PPP6R3: variants seen among roughly 807,000 people sequenced by gnomAD.
PPP6R3 encodes protein phosphatase 6 regulatory subunit 3.
PPP6R3 carries 38 observed loss-of-function variants against 110.7 expected under a neutral mutation model. The ratio of observed to expected loss-of-function variants is 0.34; its 90% confidence interval spans 0.26 to 0.45. The LOEUF (loss-of-function observed/expected upper bound fraction) is 0.45. PPP6R3 is among the 20% of genes least tolerant of loss of function. PPP6R3 has a pLI of 1.00. For synonymous variants in PPP6R3, 369 were observed against 373.5 expected (o/e 0.99, Z 0.14); for missense variants, 870 against 1,062.4 (o/e 0.82, Z 2.52).
chr11:68,597,613 C>A (rs1170215208), intron 19 of PPP6R3, among the ~76,000 whole-genome samples: 1 of 151,916 alleles, frequency 6.6e-6, no homozygotes, highest in Non-Finnish European at 1.5e-5. Context: ...GAGGAGGAGA[C>A]AGGGCAGATG....
At chr11:68,508,121 C>CT (rs748376581) in intron 1 of PPP6R3, among the ~76,000 whole-genome samples, 8,964 of 77,710 alleles carry the variant, frequency 0.12, 483 homozygotes, top group Non-Finnish European at 0.13. Context: ...GTTTTTTGGC[C>CT]TTTTTTTTTT....
chr11:68,565,346 C>T (rs2099458034), intron 9 of PPP6R3, among the ~76,000 whole-genome samples: 1 of 151,710 alleles, frequency 6.6e-6, no homozygotes, highest in Admixed American at 6.6e-5. Context: ...TCACAGTTTG[C>T]GTTACTCTGC....
At chr11:68,465,239 G>C (rs1472786437) in intron 1 of PPP6R3, among the ~76,000 whole-genome samples, 1 of 152,160 alleles carries the variant, frequency 6.6e-6, no homozygotes, top group Non-Finnish European at 1.5e-5. Flanking sequence ...CCCTGGATCA[G>C]TTTACCAGTT....
At chr11:68,544,697 A>T (rs1253498740) in intron 3 of PPP6R3, 141 bp from the exon 4 acceptor site, 1 of 612,348 alleles carries the variant, frequency 1.6e-6, no homozygotes, top group Admixed American at 3.3e-5. Context: ...GTTGAACAGA[A>T]TGGATTGAAA....
At chr11:68,496,211 A>G (rs561759371) in intron 1 of PPP6R3, among the ~76,000 whole-genome samples, 1 of 151,318 alleles carries the variant, frequency 6.6e-6, no homozygotes, top group South Asian at 2.1e-4. Context: ...TGTTAAGACA[A>G]GGTTTCACTA....
chr11:68,546,769 T>C (rs757109932), intron 4 of PPP6R3, among the ~76,000 whole-genome samples: 5 of 152,202 alleles, frequency 3.3e-5, no homozygotes, highest in Non-Finnish European at 5.9e-5. Context: ...AGCGGGGTCA[T>C]CTGTGCCACA....
chr11:68,562,863 A>T (rs562690126), intron 8 of PPP6R3, among the ~76,000 whole-genome samples: 4 of 152,322 alleles, frequency 2.6e-5, no homozygotes, highest in Non-Finnish European at 5.9e-5. Context: ...ACATTGCCAA[A>T]ACCCAATTCA....
At chr11:68,540,997 C>T (rs2099312352) in intron 3 of PPP6R3, among the ~76,000 whole-genome samples, 1 of 152,156 alleles carries the variant, frequency 6.6e-6, no homozygotes, top group Admixed American at 6.5e-5. Flanking sequence ...TCCTCCTCAA[C>T]TGACAGGATT....
rs535928599 is a variant in PPP6R3 at position 68,604,332 on chromosome 11, C to T, written c.2450+840C>T. Among the ~76,000 whole-genome samples, 8 of 152,286 alleles carry T rather than the reference C, an allele frequency of 5.3e-5. No homozygotes were observed. The East Asian group carries it at 1.3e-3, about 26-fold the overall frequency. On this transcript the variant is annotated intron_variant, in intron 22 of 23. Transcript: ENST00000393800. ...AAAATTATTCAGAGTAATTCCCAGA[C>T]AAAAGGAGAAAAGCATTTGATTACA... is the stretch of plus-strand genomic sequence containing the variant.
intron 1 of PPP6R3, among the ~76,000 whole-genome samples, chr11:68,463,677 G>T (rs1174777874): frequency 2.0e-5 from 3 of 152,104 alleles, no homozygotes; most frequent in African/African-American, 7.2e-5. Context: ...CCCAGTATTG[G>T]CTGCTACTTT....
chr11:68,474,215 T>G (rs947847706), intron 1 of PPP6R3, among the ~76,000 whole-genome samples: 1 of 152,124 alleles, frequency 6.6e-6, no homozygotes, highest in Non-Finnish European at 1.5e-5. Context: ...TGGCTAATTT[T>G]TACAATTTTT....
intron 1 of PPP6R3, among the ~76,000 whole-genome samples, chr11:68,476,156 A>T (rs944533498): frequency 6.6e-5 from 10 of 152,120 alleles, no homozygotes; most frequent in Non-Finnish European, 1.0e-4. Flanking sequence ...ACGCCACTGC[A>T]CTCCAGCCTG....
intron 1 of PPP6R3, among the ~76,000 whole-genome samples, chr11:68,479,891 A>G (rs934736218): frequency 1.3e-5 from 2 of 151,942 alleles, no homozygotes; most frequent in Non-Finnish European, 2.9e-5. Flanking sequence ...GGTGCAAGCC[A>G]CCACACCTGG....
intron 14 of PPP6R3, among the ~76,000 whole-genome samples, chr11:68,577,791 C>A (rs923217674): frequency 1.3e-4 from 20 of 152,222 alleles, no homozygotes; most frequent in Non-Finnish European, 2.1e-4. Context: ...TGGGCTCCAT[C>A]TGTCACTCAG....
At chr11:68,473,120 T>C (rs1347450164) in intron 1 of PPP6R3, among the ~76,000 whole-genome samples, 2 of 152,180 alleles carry the variant, frequency 1.3e-5, no homozygotes, top group Non-Finnish European at 2.9e-5. Flanking sequence ...TGCGAATGAG[T>C]TGACTGATGG....
rs555381830 is a variant in PPP6R3, at chr11:68,601,874, C to A, written c.2204C>A (p.Ser735Tyr). Reference sequence around the variant, plus strand: ...CTCTTTTTTGAAAGCACAAAAGATTCTTTAAGGAGTAATTCTCCAGTGGAA... The same window carrying A: ...CTCTTTTTTGAAAGCACAAAAGATTATTTAAGGAGTAATTCTCCAGTGGAA... ...EFTSSLSTKD[S>Y]LRSNSPVEME... The change falls in exon 21 of 24, where the codon TCT becomes TAT. Residue 735 changes from serine to tyrosine, a missense_variant. Coordinates refer to ENST00000393800, the MANE Select transcript of PPP6R3 (RefSeq NM_001164161.2). 2 of 1,612,792 alleles carry A rather than the reference C, an allele frequency of 1.2e-6. No individual in the cohort carries two copies. The highest frequency in any genetic ancestry group is 2.2e-5 in the South Asian group (2 of 90,876).
At chr11:68,478,154 T>C (rs1284013051) in intron 1 of PPP6R3, among the ~76,000 whole-genome samples, 8 of 152,068 alleles carry the variant, frequency 5.3e-5, no homozygotes, top group Admixed American at 5.2e-4. Context: ...TTTACCATGT[T>C]GGCCAGGCTG....
At chr11:68,594,948 C>T (rs1018587507) in intron 18 of PPP6R3, among the ~76,000 whole-genome samples, 16 of 152,082 alleles carry the variant, frequency 1.1e-4, no homozygotes, top group African/African-American at 3.9e-4. Context: ...TTGATAGAGG[C>T]GAAAGGCAAT....
chr11:68,512,771 G>C (rs952327427), intron 1 of PPP6R3, among the ~76,000 whole-genome samples: 9 of 152,154 alleles, frequency 5.9e-5, no homozygotes, highest in Non-Finnish European at 1.3e-4. Context: ...TTCTCAAACA[G>C]CATCTAAACG....
Sources: gnomAD v4.1 joint callset for allele counts (sites outside exome capture counted in the v4.1 genomes callset) on GRCh38, gnomAD v4.1.1 for gene constraint, MANE v1.5 for transcripts, NCBI Gene and HGNC (gene_info 2026-07-23, HGNC 2026-07-21) for gene names.